The following SLC24A3 variants were observed in gnomAD, a reference collection of about 807,000 sequenced individuals.
SLC24A3 encodes sodium/potassium/calcium exchanger 3.
In SLC24A3, 28 loss-of-function variants were observed where a neutral mutation model predicts 75.8. The observed-to-expected ratio is 0.37, with a 90% CI of 0.27 to 0.51. The LOEUF is 0.51. SLC24A3 is among the 20% of genes least tolerant of loss of function. SLC24A3 has a pLI of 0.94. For missense variants in SLC24A3, 663 were observed against 847.8 expected, an observed-to-expected ratio of 0.78 and a Z score of 2.71; for synonymous variants, 372 against 334.1, an observed-to-expected ratio of 1.11 and a Z score of -1.24.
chr20:19,713,918 T>TC (rs1245052068), intron 15 of SLC24A3, among the ~76,000 whole-genome samples: 1 of 152,114 alleles, frequency 6.6e-6, no homozygotes, highest in African/African-American at 2.4e-5. Flanking sequence ...CCCAGGAAGT[T>TC]AGCTCTGGAG....
At chr20:19,528,239 T>C (rs536357264) in intron 3 of SLC24A3, among the ~76,000 whole-genome samples, 2 of 152,292 alleles carry the variant, frequency 1.3e-5, no homozygotes, top group African/African-American at 4.8e-5. Flanking sequence ...GAACAACTTA[T>C]TTAGGAATTT....
At chr20:19,435,584 A>G (rs1037926001) in intron 2 of SLC24A3, among the ~76,000 whole-genome samples, 2 of 152,204 alleles carry the variant, frequency 1.3e-5, no homozygotes, top group South Asian at 2.1e-4. Context: ...GGCAATTAGT[A>G]TGTGCTTAAA....
rs748620979 is a variant in SLC24A3, at chr20:19,329,042, C to T, written c.271+47955C>T. On this transcript the variant is annotated intron_variant, in intron 2 of 16. Coordinates refer to ENST00000328041, the MANE Select transcript of SLC24A3 (RefSeq NM_020689.4). ...TGCAGGCTGTGGATGCATCAGGCGA[C>T]TCCAAGGCCATTAGTGACATGGACA... Among the ~76,000 whole-genome samples, 118 of 152,242 alleles carry T rather than the reference C, an allele frequency of 7.8e-4. 1 individual carries two copies. The highest frequency in any genetic ancestry group is 7.5e-4 in the Non-Finnish European group (51 of 68,018).
At position 19,376,899 on chromosome 20, in the gene SLC24A3, T is replaced by G. The variant is rs185073170; in HGVS notation, c.271+95812T>G. Among the ~76,000 whole-genome samples the G allele has an allele frequency of 7.2e-5, 11 of 152,298 alleles. No individual in the cohort carries two copies. The East Asian group carries it at 2.1e-3, about 29-fold the overall frequency. ...GCAGTGGATTGTAGAAATGGAGAGA[T>G]AATTAAATTAAAAGTGCCAGGTGCA... is the stretch of plus-strand genomic sequence containing the variant. On this transcript the variant is annotated intron_variant, in intron 2 of 16. Coordinates refer to ENST00000328041, the MANE Select transcript of SLC24A3 (RefSeq NM_020689.4).
At chr20:19,401,719 G>C (rs1986555014) in intron 2 of SLC24A3, among the ~76,000 whole-genome samples, 1 of 152,160 alleles carries the variant, frequency 6.6e-6, no homozygotes, top group Non-Finnish European at 1.5e-5. Context: ...AGCATGTTTT[G>C]CCTGTCGAGT....
At chr20:19,345,937 G>A (rs961073741) in intron 2 of SLC24A3, among the ~76,000 whole-genome samples, 1 of 151,168 alleles carries the variant, frequency 6.6e-6, no homozygotes, top group Non-Finnish European at 1.5e-5. Context: ...CCACTACTAG[G>A]TATCTACCCA....
At chr20:19,376,862 C>T (rs981621694) in intron 2 of SLC24A3, among the ~76,000 whole-genome samples, 2 of 152,116 alleles carry the variant, frequency 1.3e-5, no homozygotes, top group Admixed American at 6.5e-5. Flanking sequence ...CAGGTGGAGC[C>T]GTCACCAGCG....
intron 3 of SLC24A3, among the ~76,000 whole-genome samples, chr20:19,534,250 G>T (rs113983166): frequency 6.6e-6 from 1 of 152,250 alleles, no homozygotes; most frequent in African/African-American, 2.4e-5. Flanking sequence ...CCTTTCCAGG[G>T]AGGGTTTTAT....
At chr20:19,310,355 C>A (rs896442531) in intron 2 of SLC24A3, among the ~76,000 whole-genome samples, 1 of 152,154 alleles carries the variant, frequency 6.6e-6, no homozygotes, top group Non-Finnish European at 1.5e-5. Context: ...CCCAGGTGGT[C>A]ATGTGCACAG....
chr20:19,616,321 T>G (rs186926697), intron 6 of SLC24A3, among the ~76,000 whole-genome samples: 2 of 152,174 alleles, frequency 1.3e-5, no homozygotes, highest in South Asian at 4.1e-4. Flanking sequence ...GATGGCCACA[T>G]CCCTCTGCAG....
intron 3 of SLC24A3, among the ~76,000 whole-genome samples, chr20:19,554,065 C>T (rs576070669): frequency 2.4e-3 from 368 of 152,238 alleles, no homozygotes; most frequent in Non-Finnish European, 3.6e-3. Context: ...AACCCAGAGA[C>T]TGGAAATTGG....
At chr20:19,272,861 T>C (rs1983373147) in intron 1 of SLC24A3, among the ~76,000 whole-genome samples, 1 of 151,950 alleles carries the variant, frequency 6.6e-6, no homozygotes, top group African/African-American at 2.4e-5. Flanking sequence ...TAACTGAACT[T>C]CCCTGGAGCT....
chr20:19,362,235 T>C (rs1406686405), intron 2 of SLC24A3, among the ~76,000 whole-genome samples: 1 of 152,242 alleles, frequency 6.6e-6, no homozygotes, highest in Non-Finnish European at 1.5e-5. Context: ...TTCTAGTTAG[T>C]GGGTGATCCC....
chr20:19,516,032 C>T lies in SLC24A3; in HGVS notation c.348+468C>T, dbSNP rs186813288. On this transcript the variant is annotated intron_variant, in intron 3 of 16. Transcript: ENST00000328041. ...GAGAACAGGGACTTGGTTTTGTACA[C>T]GGCTTCATTCCCAGACCCTTTCTTG... 1.7e-3 allele frequency among the ~76,000 whole-genome samples: 254 copies of T among 152,342 alleles called. 1 individual carries two copies. Among genetic ancestry groups the T allele is most frequent in the African/African-American group, 4.2e-3 (176 of 41,578 alleles).
intron 2 of SLC24A3, among the ~76,000 whole-genome samples, chr20:19,440,303 G>A (rs1282498140): frequency 6.6e-6 from 1 of 152,224 alleles, no homozygotes; most frequent in Admixed American, 6.5e-5. Flanking sequence ...TAGGCGCTCT[G>A]TGGTGTTCAG....
intron 3 of SLC24A3, among the ~76,000 whole-genome samples, chr20:19,535,996 C>T (rs2030389281): frequency 1.3e-5 from 2 of 152,068 alleles, no homozygotes; most frequent in African/African-American, 4.8e-5. Flanking sequence ...TTAAGGAGCC[C>T]ACCCTCACAA....
chr20:19,498,597 T>C (rs1434037565), intron 2 of SLC24A3, among the ~76,000 whole-genome samples: 1 of 152,206 alleles, frequency 6.6e-6, no homozygotes, highest in Non-Finnish European at 1.5e-5. Flanking sequence ...TCCCACTCAC[T>C]GTCTGATCCA....
chr20:19,652,022 C>T (rs1169806245), intron 6 of SLC24A3, among the ~76,000 whole-genome samples: 2 of 143,598 alleles, frequency 1.4e-5, no homozygotes, highest in East Asian at 3.9e-4. Flanking sequence ...ATTAACTGGG[C>T]TGTATGAAGT....
At chr20:19,217,070 A>G (rs1247390216) in intron 1 of SLC24A3, among the ~76,000 whole-genome samples, 1 of 151,898 alleles carries the variant, frequency 6.6e-6, no homozygotes, top group East Asian at 1.9e-4. Context: ...CTCACTTTGA[A>G]CTCCCTGAGA....
Sources: gnomAD v4.1 joint callset for allele counts (sites outside exome capture counted in the v4.1 genomes callset) on GRCh38, gnomAD v4.1.1 for gene constraint, MANE v1.5 for transcripts, NCBI Gene and HGNC (gene_info 2026-07-23, HGNC 2026-07-21) for gene names.